Variants in NCBP2L observed in about 807,000 individuals in gnomAD.
NCBP2L encodes the protein nuclear cap binding protein subunit 2 like, also known as nuclear cap-binding protein subunit 2-like.
For synonymous variants in NCBP2L, 39 were observed against 19.2 expected (o/e 2.04, Z -2.70); for missense variants, 95 against 53.1 (o/e 1.79, Z -2.45).
chrX:107,782,192 TATAAATATATATATATAA>T (rs1930304444), intron 1 of NCBP2L, among the ~76,000 whole-genome samples: 1 of 20,846 alleles, frequency 4.8e-5, no homozygotes, highest in Non-Finnish European at 7.0e-5. Flanking sequence ...AATATATATA[TATAAATATATATATATAA>T]ATATATATAT....
chrX:107,779,463 C>T (rs1432993040), intron 1 of NCBP2L, among the ~76,000 whole-genome samples: 1 of 112,216 alleles, frequency 8.9e-6, no homozygotes, highest in Non-Finnish European at 1.9e-5. Context: ...ACGAGTCTTG[C>T]TTTTGTTGCC....
chrX:107,781,858 T>A (rs1345906635), intron 1 of NCBP2L, among the ~76,000 whole-genome samples: 20 of 56,682 alleles, frequency 3.5e-4, no homozygotes, highest in South Asian at 1.5e-3. Context: ...ATATATATAT[T>A]TTTTTCTTTG....
At position 107,782,180 on chromosome X, in the gene NCBP2L, T is replaced by A. The variant is rs866568435; in HGVS notation, c.-73+4322T>A. Among the ~76,000 whole-genome samples, 293 of 29,652 alleles carry A rather than the reference T, an allele frequency of 9.9e-3. 10 individuals are homozygous for A. The highest frequency in any genetic ancestry group is 0.053 in the African/African-American group (280 of 5,235). 25.7% of individuals were successfully genotyped at this position (29,652 alleles called of 115,157 possible). ...TACATCACGGCTATATATATATATA[T>A]AAATATATATATATAAATATATATA... On this transcript the variant is annotated intron_variant, in intron 1 of 1. Coordinates refer to ENST00000509000, the MANE Select transcript of NCBP2L (RefSeq NM_001348372.2).
intron 1 of NCBP2L, among the ~76,000 whole-genome samples, chrX:107,782,937 A>ATG (rs1491101532): frequency 1.9e-5 from 2 of 107,508 alleles, no homozygotes; most frequent in Non-Finnish European, 3.8e-5. Flanking sequence ...ACACACATAC[A>ATG]TGTGTGTATA....
At chrX:107,789,623 T>C (rs1485508337) in intron 1 of NCBP2L, among the ~76,000 whole-genome samples, 1 of 111,319 alleles carries the variant, frequency 9.0e-6, no homozygotes, top group Non-Finnish European at 1.9e-5. Context: ...TGAACAATGT[T>C]AAGTCTTTAT....
In NCBP2L at chrX:107,795,408, A is replaced by G. The variant is rs1930507599; in HGVS notation, c.*726A>G. 1 of 111,954 alleles carries G rather than the reference A, an allele frequency of 8.9e-6. No individual in the cohort carries two copies. Among genetic ancestry groups the G allele is most frequent in the Admixed American group, 9.5e-5 (1 of 10,518 alleles). 9.2% of individuals were successfully genotyped at this position (111,954 alleles called of 1,213,427 possible). ...CAATATAGTTCACAACACTTTACAGAGGGTTCCTGAGTTACAATGGCTTGG... is the reference window on the plus strand; with the variant it reads ...CAATATAGTTCACAACACTTTACAGGGGGTTCCTGAGTTACAATGGCTTGG... On this transcript the variant is annotated 3_prime_UTR_variant, in exon 2 of 2. Coordinates refer to ENST00000509000, the MANE Select transcript of NCBP2L (RefSeq NM_001348372.2).
intron 1 of NCBP2L, among the ~76,000 whole-genome samples, chrX:107,781,650 TCATCTATCTATCTATC>T (rs1569457085): frequency 9.8e-5 from 5 of 50,862 alleles, no homozygotes; most frequent in Non-Finnish European, 1.0e-4. Context: ...TATCTATCTA[TCATCTATCTATCTATC>T]TATCTATCTA....
chrX:107,783,322 C>T (rs993345642), intron 1 of NCBP2L, among the ~76,000 whole-genome samples: 23 of 98,010 alleles, frequency 2.3e-4, no homozygotes, highest in African/African-American at 8.9e-4. Flanking sequence ...GTCTCTACTA[C>T]AAATATAAAA....
At chrX:107,783,366 T>TA (rs1165522080) in intron 1 of NCBP2L, among the ~76,000 whole-genome samples, 4 of 96,422 alleles carry the variant, frequency 4.1e-5, no homozygotes, top group Non-Finnish European at 6.2e-5. Flanking sequence ...GCCTTTTTTT[T>TA]TTTTTTTTTT....
At chrX:107,785,036 G>GGAAGGAAA (rs1556346235) in intron 1 of NCBP2L, among the ~76,000 whole-genome samples, 30 of 94,461 alleles carry the variant, frequency 3.2e-4, no homozygotes, top group African/African-American at 1.1e-3. Context: ...AAGGAAGGAA[G>GGAAGGAAA]GAAAGAAAGA....
At chrX:107,781,692 C>CTCTCTCTCTCTCTCTCTCTATATATA (rs1395038482) in intron 1 of NCBP2L, among the ~76,000 whole-genome samples, 4 of 66,913 alleles carry the variant, frequency 6.0e-5, no homozygotes, top group South Asian at 6.7e-4. Context: ...CTCTCTCTCT[C>CTCTCTCTCTCTCTCTCTCTATATATA]TATATATATA....
chrX:107,781,149 T>C (rs936753217), intron 1 of NCBP2L, among the ~76,000 whole-genome samples: 8 of 110,024 alleles, frequency 7.3e-5, no homozygotes, highest in Non-Finnish European at 1.1e-4. Flanking sequence ...AACTCCTGGC[T>C]CAAGCAATCT....
Position 107,794,670 on chromosome X carries a change from G to C in NCBP2L, c.450G>C (p.Gln150His), listed in dbSNP as rs1364160395. 1 of 568,813 alleles carries C rather than the reference G, an allele frequency of 1.8e-6. No homozygotes were observed. Among genetic ancestry groups the C allele is most frequent in the Non-Finnish European group, 3.2e-6 (1 of 308,821 alleles). 46.9% of individuals were successfully genotyped at this position (568,813 alleles called of 1,213,427 possible). The change falls in exon 2 of 2, where the codon CAG (glutamine) becomes CAC (histidine). Residue 150 changes from glutamine (Q) to histidine (H), a missense_variant. Coordinates refer to ENST00000509000, the MANE Select transcript of NCBP2L (RefSeq NM_001348372.2). ...CTGGTAGAGGAGGCTTTGGAAGACA[G>C]ACTCAGATCTAGAACAATCCATAGA... ...FHSGRGGFGR[Q>H]TQI
At chrX:107,785,949 C>T (rs1236006227) in intron 1 of NCBP2L, among the ~76,000 whole-genome samples, 3 of 108,407 alleles carry the variant, frequency 2.8e-5, no homozygotes, top group South Asian at 4.1e-4. Flanking sequence ...CCCAAGCTAC[C>T]GATTAGGGGC....
intron 1 of NCBP2L, among the ~76,000 whole-genome samples, chrX:107,791,639 AT>A (rs1342842126): frequency 1.8e-5 from 2 of 112,256 alleles, no homozygotes; most frequent in African/African-American, 3.2e-5. Flanking sequence ...AGTCCCTCTT[AT>A]TTTTGTGTTA....
At chrX:107,791,831 G>A (rs922786791) in intron 1 of NCBP2L, among the ~76,000 whole-genome samples, 1 of 112,204 alleles carries the variant, frequency 8.9e-6, no homozygotes, top group African/African-American at 3.2e-5. Flanking sequence ...GTTTACAGAT[G>A]AGAAGATTGA....
At position 107,794,682 on chromosome X, in the gene NCBP2L, G is replaced by T. The variant is rs746006789; in HGVS notation, c.462G>T (p.Ter154TyrextTer4). 11 of 561,577 alleles carry T rather than the reference G, an allele frequency of 2.0e-5. No individual in the cohort carries two copies. Among genetic ancestry groups the T allele is most frequent in the Non-Finnish European group, 3.3e-5 (10 of 305,318 alleles). The allele number at this position is 561,577 out of a possible 1,213,427, so 46.3% of individuals were successfully genotyped here. ...RGGFGRQTQI* is the reference protein window; with the variant it reads ...RGGFGRQTQIY ...GCTTTGGAAGACAGACTCAGATCTA[G>T]AACAATCCATAGAGAAAAAGTTTTA... Residue 154 changes from the stop codon to tyrosine, a stop_lost, in exon 2 of 2, where the codon TAG becomes TAT. Coordinates refer to ENST00000509000, the MANE Select transcript of NCBP2L (RefSeq NM_001348372.2).
At chrX:107,778,140 CTT>C (rs904241908) in intron 1 of NCBP2L, among the ~76,000 whole-genome samples, 72 of 110,825 alleles carry the variant, frequency 6.5e-4, no homozygotes, top group African/African-American at 2.3e-3. Context: ...GTTTTTTCCT[CTT>C]GTTTATAATT....
At chrX:107,790,288 G>GT (rs2147808147) in intron 1 of NCBP2L, among the ~76,000 whole-genome samples, 1 of 112,052 alleles carries the variant, frequency 8.9e-6, no homozygotes, top group South Asian at 3.7e-4. Flanking sequence ...TAATCTTTTT[G>GT]TTTTTTAACC....
Sources: gnomAD v4.1 joint callset for allele counts (sites outside exome capture counted in the v4.1 genomes callset) on GRCh38, gnomAD v4.1.1 for gene constraint, MANE v1.5 for transcripts, NCBI Gene and HGNC (gene_info 2026-07-23, HGNC 2026-07-21) for gene names.